Variants in XRCC5 observed in about 807,000 individuals in gnomAD.
XRCC5 encodes the protein DNA repair protein Ku80.
In XRCC5, 12 loss-of-function variants were observed where a neutral mutation model predicts 95.7. That is an observed-to-expected ratio of 0.13 (90% CI 0.08 to 0.20). The LOEUF is 0.20. Ranked by LOEUF, XRCC5 falls within the 10% of genes least tolerant of loss-of-function variation. The pLI is 1.00. For synonymous variants in XRCC5, 281 were observed against 290.3 expected (o/e 0.97, Z 0.33); for missense variants, 595 against 873.9 (o/e 0.68, Z 4.02).
intron 5 of XRCC5, 132 bp downstream of exon 5, chr2:216,119,297 T>TGAC: frequency 1.1e-6 from 1 of 925,904 alleles, no homozygotes; most frequent in Admixed American, 2.6e-5. Flanking sequence ...GTCAGATGAC[T>TGAC]GACTACTCAG....
chr2:216,138,612 A>C lies in XRCC5; in HGVS notation c.1342+433A>C, dbSNP rs544294018. Among the ~76,000 whole-genome samples the C allele has an allele frequency of 8.5e-5, 13 of 152,344 alleles. No individual in the cohort carries two copies. In the East Asian group the frequency reaches 2.3e-3, roughly 27 times the overall value. ...CCCTGTTTTTGTAGTTTGCACCAAC[A>C]GTCCAAGTCTCATTGTTACTTATTT... On this transcript the variant is annotated intron_variant, in intron 12 of 20. Coordinates refer to ENST00000392132, the MANE Select transcript of XRCC5 (RefSeq NM_021141.4).
intron 2 of XRCC5, among the ~76,000 whole-genome samples, chr2:216,115,512 C>T (rs564323583): frequency 1.3e-5 from 2 of 150,280 alleles, no homozygotes; most frequent in South Asian, 4.4e-4. Flanking sequence ...ACCCAGACAC[C>T]GTTAGTCCAT....
At position 216,185,510 on chromosome 2, in the gene XRCC5, A is replaced by G. The variant is rs78155302; in HGVS notation, c.1835-4715A>G. ...TTATGGTAGACTGGACTGCTTGCCT[A>G]GACTTTTATTTGCTGATGGGCATTA... On this transcript the variant is annotated intron_variant, in intron 16 of 20. Coordinates refer to ENST00000392132, the MANE Select transcript of XRCC5 (RefSeq NM_021141.4). Among the ~76,000 whole-genome samples, 23 of 152,308 alleles carry G rather than the reference A, an allele frequency of 1.5e-4. No homozygotes were observed. The East Asian group carries it at 4.2e-3, about 28-fold the overall frequency.
At chr2:216,192,528 T>G (rs575801950) in intron 17 of XRCC5, 111 bp from the exon 18 acceptor site, 1 of 591,116 alleles carries the variant, frequency 1.7e-6, no homozygotes, top group East Asian at 3.3e-5. Context: ...AACATTTTAT[T>G]TTTTTGTAAT....
intron 14 of XRCC5, among the ~76,000 whole-genome samples, chr2:216,150,335 GA>G (rs1357522245): frequency 6.6e-6 from 1 of 152,096 alleles, no homozygotes; most frequent in African/African-American, 2.4e-5. Flanking sequence ...TTCACCTAAA[GA>G]AAAATCTCAA....
intron 16 of XRCC5, among the ~76,000 whole-genome samples, chr2:216,163,971 G>A (rs541995025): frequency 2.6e-5 from 4 of 152,314 alleles, no homozygotes; most frequent in Admixed American, 2.0e-4. Context: ...AAAACCTCAT[G>A]TAAATAGAAG....
intron 8 of XRCC5, among the ~76,000 whole-genome samples, chr2:216,129,299 C>G (rs1696944347): frequency 6.6e-6 from 1 of 152,180 alleles, no homozygotes; most frequent in Non-Finnish European, 1.5e-5. Context: ...CCTCCAGTTT[C>G]CAGCCCCTAA....
rs41302454 is a variant in XRCC5, at chr2:216,174,577, A to G, written c.1834+12529A>G. Among the ~76,000 whole-genome samples, 1,022 of 152,348 alleles carry G rather than the reference A, an allele frequency of 6.7e-3. 7 individuals carry two copies. Among genetic ancestry groups the G allele is most frequent in the Admixed American group, 0.011 (171 of 15,300 alleles). The stretch of plus-strand genomic sequence containing the variant: ...TATCACTACCACAATTTACAGGGCA[A>G]TATACTTGATGTAATGAAAAAGAAA... On this transcript the variant is annotated intron_variant, in intron 16 of 20. Transcript: ENST00000392132.
chr2:216,204,057 C>T (rs1052526851), intron 19 of XRCC5: 7 of 460,496 alleles, frequency 1.5e-5, no homozygotes, highest in Non-Finnish European at 2.4e-5. Flanking sequence ...CACACTGTCT[C>T]GACAAGCCAT....
At position 216,113,125 on chromosome 2, in the gene XRCC5, G is replaced by T; in HGVS notation, c.131G>T (p.Arg44Leu). 1 of 1,612,924 alleles carries T rather than the reference G, an allele frequency of 6.2e-7. No individual in the cohort carries two copies. Among genetic ancestry groups the T allele is most frequent in the South Asian group, 1.1e-5 (1 of 90,990 alleles). Residue 44 changes from arginine to leucine, a missense_variant, in exon 2 of 21, where the codon CGA (arginine) becomes CTA (leucine). Transcript: ENST00000392132. ...AAGGTGATAACCATGTTTGTACAGC[G>T]ACAGGTAAGTTTCAGATTGACACTG... ...AKKVITMFVQ[R>L]QVFAENKDEI...
In XRCC5 at chr2:216,160,085, C is replaced by G. The variant is rs945588061; in HGVS notation, c.1688C>G (p.Thr563Arg). 4 of 1,597,858 alleles carry G rather than the reference C, an allele frequency of 2.5e-6. No homozygotes were observed. The part of the protein sequence containing the change: ...IFQDNHEDGP[T>R]AKKLKTEQGG... Reference sequence around the variant, plus strand: ...TTTTCTAGCCATGAAGATGGACCTACAGCTAAAAAATTAAAGACTGAGCAA... The same window carrying G: ...TTTTCTAGCCATGAAGATGGACCTAGAGCTAAAAAATTAAAGACTGAGCAA... The change falls in exon 15 of 21, where the codon ACA becomes AGA. Residue 563 changes from threonine to arginine, a missense_variant. Transcript: ENST00000392132.
At position 216,205,960 on chromosome 2, in the gene XRCC5, A is replaced by G. The variant is rs1176970729; in HGVS notation, c.*758A>G. ...CTGAGAAATTTACTACAGTAGTTAG[A>G]ATTATATCACTTCACTGTTCTCTAC... is the stretch of plus-strand genomic sequence containing the variant. On this transcript the variant is annotated 3_prime_UTR_variant, in exon 21 of 21. Transcript: ENST00000392132. The G allele has an allele frequency of 6.6e-6, 1 of 152,230 alleles. No individual in the cohort carries two copies. Among genetic ancestry groups the G allele is most frequent in the Non-Finnish European group, 1.5e-5 (1 of 68,042 alleles). 9.4% of individuals were successfully genotyped at this position (152,230 alleles called of 1,614,324 possible).
chr2:216,117,008 A>G (rs1264587338), intron 3 of XRCC5, 166 bp downstream of exon 3: 2 of 703,082 alleles, frequency 2.8e-6, no homozygotes, highest in Non-Finnish European at 4.7e-6. Context: ...GAAATTAATC[A>G]GTTTAAAACA....
At chr2:216,131,115 G>C in intron 9 of XRCC5, 128 bp downstream of exon 9, 2 of 1,408,670 alleles carry the variant, frequency 1.4e-6, no homozygotes, top group Non-Finnish European at 1.9e-6. Context: ...GTAGTCTGGG[G>C]GTTAATGTTG....
At position 216,127,574 on chromosome 2, in the gene XRCC5, G is replaced by A; in HGVS notation, c.837G>A (p.Val279=). 1.2e-6 allele frequency: 2 copies of A among 1,611,496 alleles called. No homozygotes were observed. Among genetic ancestry groups the A allele is most frequent in the Non-Finnish European group, 1.7e-6 (2 of 1,179,304 alleles). Residue 279 remains valine, a synonymous_variant, in exon 8 of 21, where the codon GTG becomes GTA. Coordinates refer to ENST00000392132, the MANE Select transcript of XRCC5 (RefSeq NM_021141.4). ...GAGTTAAAAAGACTTGGACAGTTGT[G>A]GATGCAAAAACCCTAAAAAAAGAAG... is the stretch of plus-strand genomic sequence containing the variant. The part of the protein sequence containing the change: ...QERVKKTWTV[V]DAKTLKKEDI...
chr2:216,131,181 C>G (rs1696988678), intron 9 of XRCC5, 194 bp downstream of exon 9: 1 of 985,120 alleles, frequency 1.0e-6, no homozygotes, highest in Non-Finnish European at 1.2e-6. Context: ...TTAAGTAAAT[C>G]TATATGAGCA....
intron 16 of XRCC5, among the ~76,000 whole-genome samples, chr2:216,174,165 G>GT (rs796406459): frequency 5.9e-5 from 9 of 151,994 alleles, no homozygotes; most frequent in African/African-American, 1.9e-4. Context: ...GTTTTGTTTT[G>GT]TTTTTTGAAT....
chr2:216,169,036 G>T (rs1000376515), intron 16 of XRCC5, among the ~76,000 whole-genome samples: 1 of 152,228 alleles, frequency 6.6e-6, no homozygotes, highest in Non-Finnish European at 1.5e-5. Flanking sequence ...CTGTTGATAG[G>T]ACTTTTGATG....
intron 10 of XRCC5, among the ~76,000 whole-genome samples, chr2:216,133,408 T>A (rs1390752447): frequency 1.3e-5 from 2 of 152,236 alleles, no homozygotes; most frequent in Non-Finnish European, 2.9e-5. Flanking sequence ...ACCTCTGGGC[T>A]CAAGCGATTC....
Sources: gnomAD v4.1 joint callset for allele counts (sites outside exome capture counted in the v4.1 genomes callset) on GRCh38, gnomAD v4.1.1 for gene constraint, MANE v1.5 for transcripts, NCBI Gene and HGNC (gene_info 2026-07-23, HGNC 2026-07-21) for gene names.